Variants in LRIG1 observed in about 807,000 individuals in gnomAD.
LRIG1 encodes the protein leucine-rich repeats and immunoglobulin-like domains protein 1.
In LRIG1, 48 loss-of-function variants were observed where a neutral mutation model predicts 99.2. The ratio of observed to expected loss-of-function variants is 0.48; its 90% CI spans 0.38 to 0.62. The LOEUF (loss-of-function observed/expected upper bound fraction) is 0.62. Among genes scored for constraint, LRIG1 ranks in the 20% least tolerant of loss-of-function variants. The pLI is 0.00. For missense variants in LRIG1, 1,646 were observed against 1,434.4 expected (o/e 1.15, Z -2.38); for synonymous variants, 772 against 596.1 (o/e 1.29, Z -4.30).
intron 3 of LRIG1, among the ~76,000 whole-genome samples, chr3:66,443,278 A>G (rs1703603342): frequency 6.8e-6 from 1 of 146,156 alleles, no homozygotes; most frequent in East Asian, 2.5e-4. Context: ...CTGTTGAAAA[A>G]GAAAAAAGGC....
intron 3 of LRIG1, among the ~76,000 whole-genome samples, chr3:66,423,095 C>G (rs933608251): frequency 3.9e-5 from 6 of 152,158 alleles, no homozygotes; most frequent in Admixed American, 2.6e-4. Context: ...AAGATGAGAT[C>G]TGGGTAGACA....
At chr3:66,485,760 AC>A (rs1346855619) in intron 1 of LRIG1, among the ~76,000 whole-genome samples, 1 of 152,104 alleles carries the variant, frequency 6.6e-6, no homozygotes, top group Non-Finnish European at 1.5e-5. Context: ...GCATGTTACC[AC>A]CCCCTTTACC....
intron 1 of LRIG1, among the ~76,000 whole-genome samples, chr3:66,495,190 A>G (rs944247602): frequency 2.0e-5 from 3 of 152,236 alleles, no homozygotes; most frequent in Admixed American, 6.5e-5. Flanking sequence ...GTCATAAAAA[A>G]TAACAGTAAC....
intron 3 of LRIG1, among the ~76,000 whole-genome samples, chr3:66,445,174 T>C (rs1015224846): frequency 6.6e-6 from 1 of 152,012 alleles, no homozygotes; most frequent in Non-Finnish European, 1.5e-5. Context: ...ACACTCTTAA[T>C]GAGAATTCAT....
chr3:66,382,215 C>G, intron 16 of LRIG1, 58 bp downstream of exon 16: 1 of 1,605,110 alleles, frequency 6.2e-7, no homozygotes, highest in Non-Finnish European at 8.5e-7. Context: ...GAGGCCACCT[C>G]CAGCACCCAG....
chr3:66,450,038 C>T (rs750952087), intron 3 of LRIG1, among the ~76,000 whole-genome samples: 4 of 152,208 alleles, frequency 2.6e-5, no homozygotes, highest in African/African-American at 7.2e-5. Context: ...TTTATGGACA[C>T]ACAACAGGTT....
At chr3:66,399,541 G>A (rs1275472653) in intron 9 of LRIG1, among the ~76,000 whole-genome samples, 2 of 152,194 alleles carry the variant, frequency 1.3e-5, no homozygotes, top group Non-Finnish European at 2.9e-5. Context: ...GGGAGGCTGA[G>A]GCAGGAGGAT....
intron 1 of LRIG1, among the ~76,000 whole-genome samples, chr3:66,491,922 GAGTT>G (rs1387119258): frequency 2.0e-5 from 3 of 152,142 alleles, no homozygotes; most frequent in Non-Finnish European, 4.4e-5. Flanking sequence ...CAACAGAAGT[GAGTT>G]AGTTTATTTA....
chr3:66,422,565 G>C (rs1702852745), intron 3 of LRIG1, among the ~76,000 whole-genome samples: 1 of 152,152 alleles, frequency 6.6e-6, no homozygotes, highest in Admixed American at 6.5e-5. Flanking sequence ...GGACATTATT[G>C]TTCATGTCAC....
At chr3:66,399,703 G>A (rs547513344) in intron 9 of LRIG1, among the ~76,000 whole-genome samples, 15 of 152,200 alleles carry the variant, frequency 9.9e-5, no homozygotes, top group Non-Finnish European at 1.5e-4. Flanking sequence ...AGGAGGTGGA[G>A]GCTGCAGTGA....
rs1701181608 is a variant in LRIG1 at position 66,383,167 on chromosome 3, A to G, written c.2306T>C (p.Leu769Pro). Residue 769 changes from leucine to proline, a missense_variant, in exon 15 of 19, where the codon CTG becomes CCG. Physicochemically the swap from Leu to Pro is moderately conservative, Grantham distance 98. Coordinates refer to ENST00000273261, the MANE Select transcript of LRIG1 (RefSeq NM_015541.3). The part of the protein sequence containing the change: ...GRYTCEMSNT[L>P]GTERAHSQLS... ...CTGGCTGTGAGCTCGCTCCGTGCCC[A>G]GGGTGTTGGACATCTCACAGGTATA... 6.2e-7 allele frequency: 1 copy of G among 1,614,220 alleles called. No homozygotes were observed.
chr3:66,409,343 G>A (rs182891430), intron 7 of LRIG1, among the ~76,000 whole-genome samples: 58 of 152,328 alleles, frequency 3.8e-4, no homozygotes, highest in African/African-American at 1.3e-3. Context: ...GGAATGCTGC[G>A]TTCACTGTCC....
intron 1 of LRIG1, among the ~76,000 whole-genome samples, chr3:66,497,704 CAAAAAAAAAAAAAAA>C (rs71616223): frequency 1.1e-5 from 1 of 89,266 alleles, no homozygotes; most frequent in Non-Finnish European, 2.0e-5. Context: ...GCACTGTTTA[CAAAAAAAAAAAAAAA>C]AAAAAAAAAG....
chr3:66,491,836 C>G (rs150336892), intron 1 of LRIG1, among the ~76,000 whole-genome samples: 1 of 152,140 alleles, frequency 6.6e-6, no homozygotes, highest in African/African-American at 2.4e-5. Flanking sequence ...ACCTAGAGTT[C>G]ATTACATTAT....
chr3:66,477,093 T>TA (rs1700740191), intron 1 of LRIG1, among the ~76,000 whole-genome samples: 1 of 152,182 alleles, frequency 6.6e-6, no homozygotes, highest in Admixed American at 6.5e-5. Context: ...TTTTCTTACA[T>TA]AAAAATATAC....
chr3:66,380,448 A>C lies in LRIG1; in HGVS notation c.3097T>G (p.Ser1033Ala), dbSNP rs1310982508. Residue 1033 changes from serine (S) to alanine (A), a missense_variant, in exon 19 of 19, where the codon TCC becomes GCC. Physicochemically the swap from Ser to Ala is moderately conservative, Grantham distance 99. Coordinates refer to ENST00000273261, the MANE Select transcript of LRIG1 (RefSeq NM_015541.3). ...WTLARLYHPDSTELQPASSLT... is the reference protein window; with the variant it reads ...WTLARLYHPDATELQPASSLT... ...GAAGATGCAGGCTGTAGCTCTGTGGAGTCCGGGTGATACAACCTTGCTAAA... is the reference window on the plus strand; with the variant it reads ...GAAGATGCAGGCTGTAGCTCTGTGGCGTCCGGGTGATACAACCTTGCTAAA... 1.9e-6 allele frequency: 3 copies of C among 1,614,184 alleles called. No homozygotes were observed. The highest frequency in any genetic ancestry group is 2.5e-6 in the Non-Finnish European group (3 of 1,180,038).
At chr3:66,458,806 C>G (rs1700288324) in intron 2 of LRIG1, among the ~76,000 whole-genome samples, 1 of 152,098 alleles carries the variant, frequency 6.6e-6, no homozygotes, top group African/African-American at 2.4e-5. Flanking sequence ...CACCTAATGT[C>G]AGGAGTTCAA....
rs1700953700 is a variant in LRIG1, at chr3:66,380,226, T to A, written c.*37A>T. On this transcript the variant is annotated 3_prime_UTR_variant, in exon 19 of 19. Transcript: ENST00000273261. ...CAGCCTCTCCTACCTCTCTTTCCCG[T>A]AGAGATTGGTATGACAAGAACTGAG... 2 of 1,540,218 alleles carry A rather than the reference T, an allele frequency of 1.3e-6. No homozygotes were observed. Among genetic ancestry groups the A allele is most frequent in the East Asian group, 2.3e-5 (1 of 44,360 alleles).
At chr3:66,470,520 C>T (rs1559815730) in intron 1 of LRIG1, among the ~76,000 whole-genome samples, 1 of 152,120 alleles carries the variant, frequency 6.6e-6, no homozygotes, top group Non-Finnish European at 1.5e-5. Context: ...GGGCAAGACA[C>T]AAATGGTTTT....
Sources: gnomAD v4.1 joint callset for allele counts (sites outside exome capture counted in the v4.1 genomes callset) on GRCh38, gnomAD v4.1.1 for gene constraint, MANE v1.5 for transcripts, NCBI Gene and HGNC (gene_info 2026-07-23, HGNC 2026-07-21) for gene names.